SPAG16: variants seen among roughly 807,000 people sequenced by gnomAD.
SPAG16 encodes sperm-associated antigen 16 protein.
A neutral mutation model predicts 80.4 loss-of-function variants in SPAG16; 86 were observed. That is an observed-to-expected ratio of 1.07 (90% CI 0.90 to 1.28). SPAG16 has a LOEUF of 1.28. SPAG16 is among the 50% of genes most tolerant of loss of function. The pLI is 0.00. For synonymous variants in SPAG16, 294 were observed against 265.9 expected, an observed-to-expected ratio of 1.11 and a Z score of -1.03; for missense variants, 870 against 765.3, an observed-to-expected ratio of 1.14 and a Z score of -1.61.
rs1461568927 is a variant in SPAG16 at position 214,326,730 on chromosome 2, G to A, written c.1721-83410G>A. On this transcript the variant is annotated intron_variant, in intron 15 of 15. Transcript: ENST00000331683. ...GGAGGCCGAGGCAGGCGGATCACGA[G>A]ATCAGGAGATCGAGGCCATCCTGGC... Among the ~76,000 whole-genome samples the A allele has an allele frequency of 2.0e-5, 3 of 152,070 alleles. No homozygotes were observed. The East Asian group carries it at 5.8e-4, about 29-fold the overall frequency.
intron 10 of SPAG16, among the ~76,000 whole-genome samples, chr2:213,566,169 A>G (rs1306940424): frequency 6.6e-6 from 1 of 152,154 alleles, no homozygotes; most frequent in Non-Finnish European, 1.5e-5. Flanking sequence ...AGGTAATTAA[A>G]CAAGAAGAAA....
At chr2:213,842,486 C>T (rs1662722806) in intron 10 of SPAG16, among the ~76,000 whole-genome samples, 1 of 151,896 alleles carries the variant, frequency 6.6e-6, no homozygotes, top group Non-Finnish European at 1.5e-5. Flanking sequence ...TATACCTTGG[C>T]ACTTATATAA....
intron 8 of SPAG16, 29 bp from the exon 9 acceptor site, chr2:213,374,981 T>C (rs1348796274): frequency 6.7e-7 from 1 of 1,494,154 alleles, no homozygotes; most frequent in Non-Finnish European, 9.1e-7. Context: ...ACAGTGCAAA[T>C]ATTAAGAATA....
intron 15 of SPAG16, among the ~76,000 whole-genome samples, chr2:214,393,165 G>C (rs1264339708): frequency 1.3e-5 from 2 of 152,178 alleles, no homozygotes; most frequent in African/African-American, 4.8e-5. Flanking sequence ...TATGAAAGCA[G>C]TCATCTAATC....
intron 10 of SPAG16, among the ~76,000 whole-genome samples, chr2:213,641,401 T>C (rs537103229): frequency 6.6e-6 from 1 of 152,364 alleles, no homozygotes; most frequent in African/African-American, 2.4e-5. Flanking sequence ...CTTCCCTGTC[T>C]GCCACAGCTT....
At chr2:214,132,073 T>C (rs2054810231) in intron 14 of SPAG16, among the ~76,000 whole-genome samples, 1 of 152,176 alleles carries the variant, frequency 6.6e-6, no homozygotes, top group Non-Finnish European at 1.5e-5. Flanking sequence ...TACTTTCCTC[T>C]TAATTTTGCT....
chr2:213,978,347 A>C (rs2045525661), intron 12 of SPAG16, among the ~76,000 whole-genome samples: 2 of 152,070 alleles, frequency 1.3e-5, no homozygotes, highest in South Asian at 4.1e-4. Flanking sequence ...AAGTAACAAG[A>C]ATATTCTTTC....
intron 10 of SPAG16, among the ~76,000 whole-genome samples, chr2:213,859,698 C>A (rs576922947): frequency 1.2e-4 from 19 of 152,178 alleles, no homozygotes; most frequent in Non-Finnish European, 2.8e-4. Flanking sequence ...GGCTTCCGTT[C>A]ACTACCAAAT....
chr2:213,881,975 T>A (rs533324457), intron 11 of SPAG16, among the ~76,000 whole-genome samples: 5 of 152,244 alleles, frequency 3.3e-5, no homozygotes, highest in Non-Finnish European at 5.9e-5. Flanking sequence ...TGGTTCATCA[T>A]AGATGATTCA....
rs1308032294 is a variant in SPAG16, at chr2:213,862,613, G to C, written c.1199G>C (p.Cys400Ser). ...GGCCACACTGACTGGCTTTCAGACT[G>C]CTGCTTCCATCCCAGGTCAGTGCAC... ...GFGHTDWLSD[C>S]CFHPSGDKLA... Residue 400 changes from cysteine (C) to serine (S), a missense_variant, in exon 11 of 16, where the codon TGC (cysteine) becomes TCC (serine). Transcript: ENST00000331683. 5.0e-6 allele frequency: 8 copies of C among 1,614,034 alleles called. No homozygotes were observed. The highest frequency in any genetic ancestry group is 8.5e-7 in the Non-Finnish European group (1 of 1,179,970).
chr2:213,298,573 T>C (rs2062601651), intron 3 of SPAG16, among the ~76,000 whole-genome samples: 1 of 152,190 alleles, frequency 6.6e-6, no homozygotes, highest in Non-Finnish European at 1.5e-5. Flanking sequence ...AGAGAATGGA[T>C]AAGTGGATCA....
At chr2:213,956,947 G>C (rs1186067823) in intron 12 of SPAG16, among the ~76,000 whole-genome samples, 1 of 151,930 alleles carries the variant, frequency 6.6e-6, no homozygotes, top group African/African-American at 2.4e-5. Flanking sequence ...AAATTTTCCA[G>C]TTTTTCTCTG....
chr2:213,860,468 T>TGTATATATATA lies in SPAG16; in HGVS notation c.1071-2017_1071-2016insGTATATATATA, dbSNP rs1559529560. On this transcript the variant is annotated intron_variant, in intron 10 of 15. Coordinates refer to ENST00000331683, the MANE Select transcript of SPAG16 (RefSeq NM_024532.5). ...ATATATGTATATATATACAGATATA[T>TGTATATATATA]CTATCTATATATATATATACACACA... Among the ~76,000 whole-genome samples the TGTATATATATA allele has an allele frequency of 5.7e-3, 724 of 126,316 alleles. 19 individuals are homozygous for TGTATATATATA. The highest frequency in any genetic ancestry group is 0.018 in the African/African-American group (645 of 35,720). The allele number at this position is 126,316 out of a possible 152,430, so 82.9% of individuals were successfully genotyped here.
At chr2:214,348,628 C>T (rs1050624869) in intron 15 of SPAG16, among the ~76,000 whole-genome samples, 13 of 152,128 alleles carry the variant, frequency 8.5e-5, no homozygotes, top group Non-Finnish European at 1.6e-4. Context: ...GTGCAAGTAT[C>T]CCATCTCAGC....
At chr2:214,265,695 T>G (rs1358543538) in intron 15 of SPAG16, among the ~76,000 whole-genome samples, 2 of 152,038 alleles carry the variant, frequency 1.3e-5, no homozygotes, top group East Asian at 3.9e-4. Context: ...CATGTAGATT[T>G]TCTTTTATTT....
chr2:214,390,345 A>ATTTTTT (rs1356162985), intron 15 of SPAG16, among the ~76,000 whole-genome samples: 58 of 104,940 alleles, frequency 5.5e-4, no homozygotes, highest in Non-Finnish European at 1.0e-3. Context: ...TTTTTTTAAA[A>ATTTTTT]AAAAAAAAAA....
intron 10 of SPAG16, among the ~76,000 whole-genome samples, chr2:213,532,845 C>T (rs1416796494): frequency 6.6e-6 from 1 of 152,072 alleles, no homozygotes; most frequent in African/African-American, 2.4e-5. Flanking sequence ...CCATATAATA[C>T]AATTCTTATG....
chr2:213,775,264 C>A (rs2069502782), intron 10 of SPAG16, among the ~76,000 whole-genome samples: 1 of 152,066 alleles, frequency 6.6e-6, no homozygotes, highest in African/African-American at 2.4e-5. Flanking sequence ...TTTTGTATTT[C>A]TTTGTAATTG....
chr2:214,401,887 G>T (rs1240110724), intron 15 of SPAG16, among the ~76,000 whole-genome samples: 2 of 151,826 alleles, frequency 1.3e-5, no homozygotes, highest in Non-Finnish European at 2.9e-5. Flanking sequence ...AGAGTAATAA[G>T]AAAAATAGAT....
Sources: allele counts gnomAD v4.1 joint callset (sites outside exome capture counted in the v4.1 genomes callset), GRCh38; gene constraint gnomAD v4.1.1; transcripts MANE v1.5; gene names NCBI Gene and HGNC (gene_info 2026-07-23, HGNC 2026-07-21).